Variants in SPEN observed in about 807,000 individuals in gnomAD.
The protein encoded by SPEN is msx2-interacting protein.
SPEN carries 18 observed loss-of-function variants against 269.9 expected under a neutral mutation model. That is an observed-to-expected ratio of 0.07 (90% CI 0.05 to 0.10). SPEN has a LOEUF of 0.10. SPEN is among the 10% of genes least tolerant of loss of function. The pLI, the probability that SPEN is intolerant of heterozygous loss-of-function variation, is 1.00. For missense variants in SPEN, 3,822 were observed against 4,631.2 expected (o/e 0.83, Z 5.07); for synonymous variants, 1,726 against 1,765.7 (o/e 0.98, Z 0.56).
rs1407626508 is a variant in SPEN at position 15,930,362 on chromosome 1, A to G, written c.4122A>G (p.Glu1374=). The change falls in exon 11 of 15, where the codon GAA becomes GAG. Residue 1374 remains glutamate (E), a synonymous_variant. Transcript: ENST00000375759. The surrounding 1 kb of genome is among the most constrained non-coding windows in gnomAD (Gnocchi z 5.3). ...SLRKRSVRDL[E]PGEVPSDSDE... ...GAAAAAGGTCTGTACGAGATCTGGA[A>G]CCTGGTGAGGTGCCTTCTGATTCTG... is the stretch of plus-strand genomic sequence containing the variant. 2 of 1,613,388 alleles carry G rather than the reference A, an allele frequency of 1.2e-6. No individual in the cohort carries two copies. The highest frequency in any genetic ancestry group is 1.3e-5 in the African/African-American group (1 of 74,916).
chr1:15,869,222 A>G (rs993715161), intron 1 of SPEN, among the ~76,000 whole-genome samples: 1 of 151,834 alleles, frequency 6.6e-6, no homozygotes, highest in Non-Finnish European at 1.5e-5. Context: ...ACACTCGGCT[A>G]ATTTTTTGCG....
Position 15,933,053 on chromosome 1 carries a change from C to T in SPEN, c.6813C>T (p.Gly2271=). Residue 2271 remains glycine (G), a synonymous_variant, in exon 11 of 15, where the codon GGC becomes GGT. Transcript: ENST00000375759. The surrounding 1 kb of genome is among the most constrained non-coding windows in gnomAD (Gnocchi z 5.7). ...TGGAGACAGATGAGGCTGTATCTGGCATCCTGGAAACTGAGGCTGCTACAG... is the reference window on the plus strand; with the variant it reads ...TGGAGACAGATGAGGCTGTATCTGGTATCCTGGAAACTGAGGCTGCTACAG... ...EGMETDEAVS[G]ILETEAATES... is the part of the protein sequence containing the mutation. The T allele has an allele frequency of 6.2e-7, 1 of 1,614,092 alleles. No individual in the cohort carries two copies. Among genetic ancestry groups the T allele is most frequent in the South Asian group, 1.1e-5 (1 of 91,086 alleles).
intron 3 of SPEN, among the ~76,000 whole-genome samples, chr1:15,896,362 A>G (rs2070842569): frequency 1.3e-5 from 2 of 151,530 alleles, no homozygotes; most frequent in South Asian, 4.2e-4. Context: ...CTCTTGGCAA[A>G]TTTTTGTATT....
At chr1:15,879,872 G>A (rs1220264112) in intron 3 of SPEN, among the ~76,000 whole-genome samples, 9 of 152,014 alleles carry the variant, frequency 5.9e-5, no homozygotes, top group African/African-American at 9.7e-5. Flanking sequence ...GGGTTTCACC[G>A]TGTTAGCCAG....
At chr1:15,907,814 T>C (rs964518595) in intron 3 of SPEN, among the ~76,000 whole-genome samples, 1 of 152,226 alleles carries the variant, frequency 6.6e-6, no homozygotes, top group African/African-American at 2.4e-5. Context: ...GAGAATTTTA[T>C]GTTTCTCACA....
In SPEN at chr1:15,931,108, C is replaced by T. The variant is rs754541639; in HGVS notation, c.4868C>T (p.Ala1623Val). 6.2e-7 allele frequency: 1 copy of T among 1,614,206 alleles called. No individual in the cohort carries two copies. The highest frequency in any genetic ancestry group is 8.5e-7 in the Non-Finnish European group (1 of 1,180,032). ...AATCATCCCAAGACCCCAGAATCTG[C>T]TCCTGAGAATAAAGATTCAGAACTG... is the stretch of plus-strand genomic sequence containing the variant. Reference protein sequence around the residue: ...TENHPKTPESAPENKDSELKT... With the variant: ...TENHPKTPESVPENKDSELKT... Residue 1623 changes from alanine (A) to valine (V), a missense_variant, in exon 11 of 15, where the codon GCT (alanine) becomes GTT (valine). Ala to Val is a moderately conservative substitution (Grantham distance 64). This residue lies in a region of SPEN where 533 missense variants were observed against 618.8 expected (regional missense o/e 0.86). Transcript: ENST00000375759. The surrounding 1 kb of genome is among the most constrained non-coding windows in gnomAD (Gnocchi z 4.8).
At chr1:15,922,203 A>G (rs753175464) in intron 9 of SPEN, 46 bp from the exon 10 acceptor site, 1 of 1,390,176 alleles carries the variant, frequency 7.2e-7, no homozygotes, top group South Asian at 1.2e-5. Context: ...TTTTTCCATC[A>G]TTAAAATTTG....
intron 2 of SPEN, chr1:15,874,235 T>C: frequency 7.4e-7 from 1 of 1,349,628 alleles, no homozygotes; most frequent in Non-Finnish European, 9.9e-7. Context: ...GTCACTAAGA[T>C]TTTTTTTTTC....
At chr1:15,897,847 C>T (rs569559620) in intron 3 of SPEN, among the ~76,000 whole-genome samples, 2 of 152,284 alleles carry the variant, frequency 1.3e-5, no homozygotes, top group East Asian at 3.9e-4. Flanking sequence ...TAATACTATC[C>T]TAAATTTAAA....
Position 15,928,266 on chromosome 1 carries a change from G to C in SPEN, c.2026G>C (p.Asp676His). 1 of 1,614,158 alleles carries C rather than the reference G, an allele frequency of 6.2e-7. No homozygotes were observed. The highest frequency in any genetic ancestry group is 2.2e-5 in the East Asian group (1 of 44,880). ...CTACTATGAATCACGATACTACGAT[G>C]ATCCTCGGGAATACAGGGATTACAG... ...GDYYESRYYD[D>H]PREYRDYRND... The change falls in exon 11 of 15, where the codon GAT (aspartate) becomes CAT (histidine). Residue 676 changes from aspartate to histidine, a missense_variant. By Grantham distance (81) the Asp-to-His change is moderately conservative. Coordinates refer to ENST00000375759, the MANE Select transcript of SPEN (RefSeq NM_015001.3). This position sits in a 1 kb window ranked among gnomAD's most constrained non-coding sequence, Gnocchi z 5.7.
At chr1:15,900,617 A>C (rs2070890740) in intron 3 of SPEN, among the ~76,000 whole-genome samples, 1 of 152,100 alleles carries the variant, frequency 6.6e-6, no homozygotes, top group Non-Finnish European at 1.5e-5. Flanking sequence ...AGAAGTTTAC[A>C]TTTTTTTCTT....
chr1:15,893,013 G>A (rs1279724439), intron 3 of SPEN, among the ~76,000 whole-genome samples: 5 of 152,122 alleles, frequency 3.3e-5, no homozygotes, highest in African/African-American at 1.2e-4. Context: ...CAGGAGAATC[G>A]TTTGAACCCA....
chr1:15,860,057 G>A (rs950279980), intron 1 of SPEN, among the ~76,000 whole-genome samples: 20 of 150,982 alleles, frequency 1.3e-4, no homozygotes, highest in Admixed American at 2.0e-4. Context: ...GATTACAGGC[G>A]CCCGCCACCA....
intron 3 of SPEN, among the ~76,000 whole-genome samples, chr1:15,906,139 C>T (rs61782232): frequency 0.05 from 7,591 of 152,142 alleles, 269 homozygotes; most frequent in Non-Finnish European, 0.074. Flanking sequence ...TATCTTTTTC[C>T]TTCTGTGCTA....
intron 3 of SPEN, among the ~76,000 whole-genome samples, chr1:15,902,972 A>C (rs1315451508): frequency 6.6e-6 from 1 of 152,172 alleles, no homozygotes; most frequent in African/African-American, 2.4e-5. Flanking sequence ...TAAAAAAAAA[A>C]CCAGTATAGA....
intron 1 of SPEN, among the ~76,000 whole-genome samples, chr1:15,867,169 C>T (rs1273381795): frequency 6.6e-6 from 1 of 152,198 alleles, no homozygotes; most frequent in South Asian, 2.1e-4. Flanking sequence ...CAGCCCCTGG[C>T]AATCTCTAAT....
intron 5 of SPEN, among the ~76,000 whole-genome samples, chr1:15,911,674 C>T (rs2071013066): frequency 1.3e-5 from 2 of 152,150 alleles, no homozygotes; most frequent in South Asian, 4.1e-4. Context: ...AAGGAAACTA[C>T]TTCTGGTTGG....
intron 3 of SPEN, among the ~76,000 whole-genome samples, chr1:15,883,983 G>A (rs1450349622): frequency 6.6e-6 from 1 of 151,644 alleles, no homozygotes; most frequent in Non-Finnish European, 1.5e-5. Flanking sequence ...ATAATTTTTT[G>A]TATTTTTAGT....
rs1389532075 is a variant in SPEN, at chr1:15,848,737, A to C, written c.83+587A>C. On this transcript the variant is annotated intron_variant, in intron 1 of 14. Coordinates refer to ENST00000375759, the MANE Select transcript of SPEN (RefSeq NM_015001.3). The surrounding 1 kb of genome is among the most constrained non-coding windows in gnomAD (Gnocchi z 5.1). ...CGGAGGATTTGCAGCCTTGAAACTC[A>C]CTGGGAATGGCAAACGTTTCTCGTT... 1.3e-5 allele frequency among the ~76,000 whole-genome samples: 2 copies of C among 152,190 alleles called. No homozygotes were observed. The highest frequency in any genetic ancestry group is 2.9e-5 in the Non-Finnish European group (2 of 68,024).
Sources: gnomAD v4.1 joint callset for allele counts (sites outside exome capture counted in the v4.1 genomes callset) on GRCh38, gnomAD v4.1.1 for gene constraint, gnomAD v4.1.1 regional missense constraint, Gnocchi (gnomAD v3.1) non-coding constraint, MANE v1.5 for transcripts, NCBI Gene and HGNC (gene_info 2026-07-23, HGNC 2026-07-21) for gene names.